Variants in IL17RE observed in about 807,000 individuals in gnomAD.
IL17RE encodes the protein interleukin 17 receptor E.
A neutral mutation model predicts 70.7 loss-of-function variants in IL17RE; 47 were observed. The observed-to-expected ratio is 0.67, with a 90% confidence interval of 0.53 to 0.85. The LOEUF (loss-of-function observed/expected upper bound fraction) is 0.85, where lower values mean the gene tolerates loss of function less well. Ranked by LOEUF, IL17RE falls within the 40% of genes least tolerant of loss-of-function variation. The pLI is 0.00. For synonymous variants in IL17RE, 372 were observed against 381.2 expected (o/e 0.98, Z 0.28); for missense variants, 850 against 893.9 (o/e 0.95, Z 0.63).
chr3:9,906,638 C>T, intron 4 of IL17RE, 68 bp from the exon 5 acceptor site: 1 of 1,587,938 alleles, frequency 6.3e-7, no homozygotes, highest in African/African-American at 1.4e-5. Context: ...CCTCAGGTTC[C>T]AGAGGCAGAA....
rs780508221 is a variant in IL17RE, at chr3:9,908,308, G to A, written c.735+1G>A. The A allele has an allele frequency of 1.2e-6, 2 of 1,613,748 alleles. No homozygotes were observed. The highest frequency in any genetic ancestry group is 2.2e-5 in the East Asian group (1 of 44,900). The stretch of plus-strand genomic sequence containing the variant: ...CCTTCTGCCCTGTCTGTGCATAGAG[G>A]TGAGCAAAGGAAAAGGTGTGGGCTG... On this transcript the variant is annotated splice_donor_variant, in intron 7 of 15. Coordinates refer to ENST00000383814, the MANE Select transcript of IL17RE (RefSeq NM_153480.2). LOFTEE classifies it high-confidence loss of function.
chr3:9,915,306 G>C lies in IL17RE; in HGVS notation c.1503G>C (p.Gln501His), dbSNP rs2083005207. The C allele has an allele frequency of 1.4e-6, 2 of 1,394,700 alleles. No individual in the cohort carries two copies. Among genetic ancestry groups the C allele is most frequent in the African/African-American group, 3.0e-5 (2 of 66,160 alleles). 86.4% of individuals were successfully genotyped at this position (1,394,700 alleles called of 1,614,324 possible). A position where few individuals can be genotyped will look rare whatever the true frequency, so the allele number is the denominator to read the frequency against. Residue 501 changes from glutamine to histidine, a missense_variant, in exon 16 of 16, where the codon CAG (glutamine) becomes CAC (histidine). By Grantham distance (24) the Gln-to-His change is conservative. Transcript: ENST00000383814. This position sits in a 1 kb window ranked among gnomAD's most constrained non-coding sequence, Gnocchi z 4.9. ...LLLHAADSEA[Q>H]RRLVGALAEL... Reference sequence around the variant, plus strand: ...TGCACGCGGCGGACTCGGAGGCGCAGCGGCGCCTGGTGGGAGCGCTGGCTG... The same window carrying C: ...TGCACGCGGCGGACTCGGAGGCGCACCGGCGCCTGGTGGGAGCGCTGGCTG...
intron 1 of IL17RE, 26 bp downstream of exon 1, chr3:9,903,090 CA>C: frequency 6.3e-7 from 1 of 1,576,146 alleles, no homozygotes; most frequent in Non-Finnish European, 8.7e-7. Context: ...CAGGTAGGGA[CA>C]CCTGCCTGGC....
chr3:9,905,362 G>A (rs1224013424), intron 3 of IL17RE, among the ~76,000 whole-genome samples: 2 of 151,930 alleles, frequency 1.3e-5, no homozygotes, highest in African/African-American at 2.4e-5. Flanking sequence ...AGGCTGAGGT[G>A]AGAGGATTGC....
chr3:9,915,691 C>A lies in IL17RE; in HGVS notation c.1888C>A (p.Pro630Thr). Reference protein sequence around the residue: ...PRLLRALDARPFAEATSWGRL... With the variant: ...PRLLRALDARTFAEATSWGRL... Reference sequence around the variant, plus strand: ...TCTGCTGCGGGCGCTGGACGCGCGGCCTTTCGCAGAGGCCACCAGCTGGGG... The same window carrying A: ...TCTGCTGCGGGCGCTGGACGCGCGGACTTTCGCAGAGGCCACCAGCTGGGG... The change falls in exon 16 of 16, where the codon CCT becomes ACT. Residue 630 changes from proline to threonine, a missense_variant. By Grantham distance (38) the Pro-to-Thr change is conservative. Transcript: ENST00000383814. This position sits in a 1 kb window ranked among gnomAD's most constrained non-coding sequence, Gnocchi z 4.9. The A allele has an allele frequency of 7.2e-7, 1 of 1,389,620 alleles. No homozygotes were observed. The highest frequency in any genetic ancestry group is 9.2e-7 in the Non-Finnish European group (1 of 1,081,432). 86.1% of individuals were successfully genotyped at this position (1,389,620 alleles called of 1,614,324 possible). A position where few individuals can be genotyped will look rare whatever the true frequency, so the allele number is the denominator to read the frequency against.
chr3:9,914,386 A>AG lies in IL17RE; in HGVS notation c.1297-162_1297-161insG. ...GTCACACTTGAGTTTGCCACCATTG[A>AG]CCTGTTCTGTGCCAGGCTAGCAGCT... On this transcript the variant is annotated intron_variant, in intron 13 of 15. Coordinates refer to ENST00000383814, the MANE Select transcript of IL17RE (RefSeq NM_153480.2). 5 of 1,496,198 alleles carry AG rather than the reference A, an allele frequency of 3.3e-6. No homozygotes were observed. The South Asian group carries it at 6.8e-5, about 20-fold the overall frequency. The allele number at this position is 1,496,198 out of a possible 1,614,324, so 92.7% of individuals were successfully genotyped here.
chr3:9,904,551 G>C (rs1458089442), intron 3 of IL17RE, among the ~76,000 whole-genome samples: 1 of 152,160 alleles, frequency 6.6e-6, no homozygotes, highest in East Asian at 1.9e-4. Flanking sequence ...TTGGGAGGCT[G>C]AAGCAGCCTG....
chr3:9,911,719 T>C, intron 12 of IL17RE, 122 bp downstream of exon 12: 1 of 918,362 alleles, frequency 1.1e-6, no homozygotes, highest in Non-Finnish European at 1.6e-6. Context: ...TACCATCTGG[T>C]TTACTTTATT....
rs1387274045 is a variant in IL17RE at position 9,906,970 on chromosome 3, T to G, written c.536T>G (p.Phe179Cys). 1 of 1,614,088 alleles carries G rather than the reference T, an allele frequency of 6.2e-7. No homozygotes were observed. The highest frequency in any genetic ancestry group is 8.5e-7 in the Non-Finnish European group (1 of 1,180,004). Residue 179 changes from phenylalanine to cysteine, a missense_variant, in exon 6 of 16, where the codon TTC becomes TGC. Coordinates refer to ENST00000383814, the MANE Select transcript of IL17RE (RefSeq NM_153480.2). ...TCCTTCCTCTCCCCAGGACCCGAGT[T>G]CTCCTTTGATTTGCTGCCTGAGGCC... ...LDSQRHGGPE[F>C]SFDLLPEARA...
Position 9,903,952 on chromosome 3 carries a change from T to C in IL17RE, c.149-80T>C. 8 of 1,551,334 alleles carry C rather than the reference T, an allele frequency of 5.2e-6. No individual in the cohort carries two copies. The South Asian group carries it at 7.9e-5, about 15-fold the overall frequency. ...TCATACTTCCAGGATGTGACAGAGC[T>C]TGGCCTCAAATCCAGCTTGTTGGAG... On this transcript the variant is annotated intron_variant, in intron 2 of 15. Coordinates refer to ENST00000383814, the MANE Select transcript of IL17RE (RefSeq NM_153480.2).
chr3:9,912,828 C>T lies in IL17RE; in HGVS notation c.1228-1128C>T, dbSNP rs62245461. 8.4e-4 allele frequency among the ~76,000 whole-genome samples: 128 copies of T among 152,184 alleles called. 1 individual carries two copies. In the South Asian group the frequency reaches 0.012, roughly 15 times the overall value. ...AGGCTGCAATGAGCTATGATCATGC[C>T]ACAGCACTCCAGCCTGGGTGACAGC... On this transcript the variant is annotated intron_variant, in intron 12 of 15. Transcript: ENST00000383814.
chr3:9,914,725 C>T lies in IL17RE; in HGVS notation c.1395C>T (p.Leu465=). ...LGLLILALLA[L]LTLLGVVLAL... ...TCTTGATCCTGGCACTGCTGGCCCTCCTCACCCTACTGGGTGTTGTTCTGG... is the reference window on the plus strand; with the variant it reads ...TCTTGATCCTGGCACTGCTGGCCCTTCTCACCCTACTGGGTGTTGTTCTGG... The change falls in exon 15 of 16, where the codon CTC becomes CTT. Residue 465 remains leucine, a synonymous_variant. Transcript: ENST00000383814. 6.2e-7 allele frequency: 1 copy of T among 1,614,120 alleles called. No individual in the cohort carries two copies. Among genetic ancestry groups the T allele is most frequent in the Admixed American group, 1.7e-5 (1 of 60,020 alleles).
Position 9,915,566 on chromosome 3 carries a change from T to C in IL17RE, c.1763T>C (p.Leu588Pro). 2.8e-6 allele frequency: 4 copies of C among 1,412,822 alleles called. No homozygotes were observed. Among genetic ancestry groups the C allele is most frequent in the South Asian group, 2.9e-5 (2 of 68,532 alleles). The allele number at this position is 1,412,822 out of a possible 1,614,324, so 87.5% of individuals were successfully genotyped here. ...LALLHAAPRP[L>P]LLLAYFSRLC... ...CTGCTCCACGCTGCCCCGCGCCCGC[T>C]GCTGCTGCTCGCTTACTTCAGTCGC... The change falls in exon 16 of 16, where the codon CTG (leucine) becomes CCG (proline). Residue 588 changes from leucine (L) to proline (P), a missense_variant. By Grantham distance (98) the Leu-to-Pro change is moderately conservative. Coordinates refer to ENST00000383814, the MANE Select transcript of IL17RE (RefSeq NM_153480.2). The surrounding 1 kb of genome is among the most constrained non-coding windows in gnomAD (Gnocchi z 4.9).
At chr3:9,914,397 G>C (rs1489271862) in intron 13 of IL17RE, 151 bp from the exon 14 acceptor site, 16 of 1,507,186 alleles carry the variant, frequency 1.1e-5, no homozygotes, top group Non-Finnish European at 1.3e-5. Flanking sequence ...CCTGTTCTGT[G>C]CCAGGCTAGC....
intron 3 of IL17RE, among the ~76,000 whole-genome samples, chr3:9,904,703 C>G (rs1490337895): frequency 6.6e-6 from 1 of 152,208 alleles, no homozygotes; most frequent in Non-Finnish European, 1.5e-5. Context: ...AGGAAAATCA[C>G]TTGAACCCAG....
chr3:9,911,811 T>C, intron 12 of IL17RE: 1 of 484,618 alleles, frequency 2.1e-6, no homozygotes. Context: ...TTTTTTCTTT[T>C]TTTTTTTTGA....
chr3:9,915,720 C>A lies in IL17RE; in HGVS notation c.1917C>A (p.Arg639=). The stretch of plus-strand genomic sequence containing the variant: ...TCGCAGAGGCCACCAGCTGGGGCCG[C>A]CTTGGGGCGCGGCAGCGCAGGCAGA... ...RPFAEATSWG[R]LGARQRRQSR... The change falls in exon 16 of 16, where the codon CGC becomes CGA. Residue 639 remains arginine, a synonymous_variant. Coordinates refer to ENST00000383814, the MANE Select transcript of IL17RE (RefSeq NM_153480.2). The surrounding 1 kb of genome is among the most constrained non-coding windows in gnomAD (Gnocchi z 4.9). 1 of 1,432,614 alleles carries A rather than the reference C, an allele frequency of 7.0e-7. No individual in the cohort carries two copies. Among genetic ancestry groups the A allele is most frequent in the Non-Finnish European group, 9.0e-7 (1 of 1,105,966 alleles). 88.7% of individuals were successfully genotyped at this position (1,432,614 alleles called of 1,614,324 possible).
rs1379055712 is a variant in IL17RE, at chr3:9,903,443, C to T, written c.148+31C>T. 2.5e-6 allele frequency: 4 copies of T among 1,613,104 alleles called. No homozygotes were observed. In the African/African-American group the frequency reaches 5.3e-5, roughly 22 times the overall value. On this transcript the variant is annotated intron_variant, in intron 2 of 15. Transcript: ENST00000383814. ...TCGCATTTCCTGCCCCATTGCTCCT[C>T]CCCACGCCCACTATTTTTGCAGATG... is the stretch of plus-strand genomic sequence containing the variant.
At chr3:9,914,965 CTG>C (rs1470072154) in intron 15 of IL17RE, among the ~76,000 whole-genome samples, 188 bp downstream of exon 15, 3 of 152,250 alleles carry the variant, frequency 2.0e-5, no homozygotes, top group Admixed American at 1.3e-4. Context: ...CATATTGTCA[CTG>C]TACTGAGTCT....
Sources: allele counts gnomAD v4.1 joint callset (sites outside exome capture counted in the v4.1 genomes callset), GRCh38; gene constraint gnomAD v4.1.1; non-coding constraint Gnocchi (gnomAD v3.1); transcripts MANE v1.5; gene names NCBI Gene and HGNC (gene_info 2026-07-23, HGNC 2026-07-21).